Variants in RPS6KA2 observed in about 807,000 individuals in gnomAD.
RPS6KA2 encodes the protein ribosomal protein S6 kinase alpha-2.
In RPS6KA2, 42 loss-of-function variants were observed where a neutral mutation model predicts 91.8. The observed-to-expected ratio is 0.46, with a 90% confidence interval of 0.36 to 0.59. The LOEUF is 0.59. RPS6KA2 is among the 20% of genes least tolerant of loss of function. The pLI, the probability that RPS6KA2 is intolerant of heterozygous loss-of-function variation, is 0.00. For missense variants in RPS6KA2, 798 were observed against 978.5 expected (o/e 0.82, Z 2.46); for synonymous variants, 414 against 393.6 (o/e 1.05, Z -0.61).
rs1396355056 is a variant in RPS6KA2 at position 166,821,058 on chromosome 6, G to A, written c.123+37142C>T. On this transcript the variant is annotated intron_variant, in intron 2 of 21. Coordinates refer to the RPS6KA2 transcript ENST00000503859. The surrounding 1 kb of genome is among the most constrained non-coding windows in gnomAD (Gnocchi z 4.1). The stretch of plus-strand genomic sequence containing the variant: ...CAGGTGTCTTGGAATGATGGGTCCA[G>A]GGCTATAGGGATTTGGATATTGAAT... Among the ~76,000 whole-genome samples the A allele has an allele frequency of 2.0e-5, 3 of 152,160 alleles. No individual in the cohort carries two copies. Among genetic ancestry groups the A allele is most frequent in the Non-Finnish European group, 4.4e-5 (3 of 68,028 alleles).
intron 2 of RPS6KA2, among the ~76,000 whole-genome samples, chr6:166,819,796 T>C (rs1779858246): frequency 6.6e-6 from 1 of 152,212 alleles, no homozygotes; most frequent in Non-Finnish European, 1.5e-5. Flanking sequence ...TAACTGGCTG[T>C]ATGAATAATG....
intron 1 of RPS6KA2, among the ~76,000 whole-genome samples, chr6:166,549,681 T>C (rs1052260187): frequency 4.6e-5 from 7 of 151,960 alleles, no homozygotes; most frequent in Admixed American, 3.9e-4. Context: ...CATAAAAGGG[T>C]ACCATGGGGG....
chr6:166,729,146 A>G (rs1317817681), intron 2 of RPS6KA2, among the ~76,000 whole-genome samples: 1 of 152,176 alleles, frequency 6.6e-6, no homozygotes, highest in African/African-American at 2.4e-5. Flanking sequence ...GCCTAGGCAG[A>G]GCGTGAAACA....
Position 166,498,499 on chromosome 6 carries a change from C to T in RPS6KA2, c.747+9G>A, listed in dbSNP as rs1351743254. The T allele has an allele frequency of 6.2e-7, 1 of 1,604,348 alleles. No individual in the cohort carries two copies. Among genetic ancestry groups the T allele is most frequent in the Admixed American group, 1.7e-5 (1 of 58,674 alleles). ...GCCATGGCACAGAAGAGGGTCGGGG[C>T]AGGCTCACCATGAGCACGCCGAAGG... On this transcript the variant is annotated intron_variant, in intron 8 of 20. Transcript: ENST00000265678.
chr6:166,831,449 C>T (rs9459766), intron 2 of RPS6KA2, among the ~76,000 whole-genome samples: 24,482 of 151,960 alleles, frequency 0.16, 2,149 homozygotes, highest in Middle Eastern at 0.19. Context: ...ATGACACCTT[C>T]CCCCCTGCCC....
At chr6:166,854,022 G>A (rs1428334094) in intron 2 of RPS6KA2, among the ~76,000 whole-genome samples, 3 of 152,172 alleles carry the variant, frequency 2.0e-5, no homozygotes, top group African/African-American at 7.2e-5. Flanking sequence ...AAGACGTATT[G>A]CCTGACAGAA....
At chr6:166,534,098 T>C (rs941971762) in intron 2 of RPS6KA2, among the ~76,000 whole-genome samples, 12 of 151,578 alleles carry the variant, frequency 7.9e-5, no homozygotes, top group African/African-American at 2.9e-4. Flanking sequence ...GGCAGGCGCC[T>C]GTAGTCTCAG....
intron 1 of RPS6KA2, among the ~76,000 whole-genome samples, chr6:166,859,239 T>C (rs1259327041): frequency 2.6e-5 from 4 of 152,360 alleles, no homozygotes; most frequent in African/African-American, 4.8e-5. Context: ...ATCTAATGTA[T>C]TATGACATCC....
At chr6:166,839,622 T>C (rs1313746080) in intron 2 of RPS6KA2, among the ~76,000 whole-genome samples, 2 of 132,724 alleles carry the variant, frequency 1.5e-5, no homozygotes, top group African/African-American at 2.8e-5. Flanking sequence ...AATGTAAAAA[T>C]AGATGCCATC....
intron 2 of RPS6KA2, among the ~76,000 whole-genome samples, chr6:166,661,808 CT>C (rs1379436047): frequency 6.6e-6 from 1 of 152,088 alleles, no homozygotes; most frequent in East Asian, 1.9e-4. Context: ...AGTATTTTGT[CT>C]TTTTTTATAA....
intron 2 of RPS6KA2, among the ~76,000 whole-genome samples, chr6:166,722,027 T>C (rs1489662650): frequency 6.6e-6 from 1 of 152,080 alleles, no homozygotes; most frequent in East Asian, 1.9e-4. Context: ...CATAGTGGAG[T>C]AAATATAAAT....
chr6:166,645,893 C>A (rs1261387197), intron 2 of RPS6KA2, among the ~76,000 whole-genome samples: 1 of 152,232 alleles, frequency 6.6e-6, no homozygotes, highest in Non-Finnish European at 1.5e-5. Flanking sequence ...TCTGGAGAAA[C>A]TTGTCAGAAG....
intron 2 of RPS6KA2, among the ~76,000 whole-genome samples, chr6:166,655,956 A>G (rs754172994): frequency 6.6e-6 from 1 of 152,226 alleles, no homozygotes; most frequent in Non-Finnish European, 1.5e-5. Context: ...AGAAGTCACC[A>G]CAATCTCTAG....
chr6:166,695,875 AATTCTCATAGGAGCACTAG>A (rs1789345380), intron 2 of RPS6KA2, among the ~76,000 whole-genome samples: 3 of 147,542 alleles, frequency 2.0e-5, no homozygotes, highest in Non-Finnish European at 3.0e-5. Context: ...AGGAGCACTA[AATTCTCATAGGAGCACTAG>A]ATTCTCACAG....
In RPS6KA2 at chr6:166,498,863, C is replaced by T. The variant is rs1047807020; in HGVS notation, c.605-213G>A. The stretch of plus-strand genomic sequence containing the variant: ...GTGCCTGAAGCCGAAATCCTCAAAG[C>T]GTGAGGAGTTCCTTATGAGTGTACA... On this transcript the variant is annotated intron_variant, in intron 7 of 20. Transcript: ENST00000265678. 5.3e-5 allele frequency among the ~76,000 whole-genome samples: 8 copies of T among 152,212 alleles called. No homozygotes were observed. The South Asian group carries it at 1.2e-3, about 24-fold the overall frequency.
chr6:166,519,832 C>T (rs1451678076), intron 3 of RPS6KA2, among the ~76,000 whole-genome samples: 1 of 152,186 alleles, frequency 6.6e-6, no homozygotes, highest in East Asian at 1.9e-4. Flanking sequence ...CACCAATAGA[C>T]ATTATATGTA....
intron 1 of RPS6KA2, among the ~76,000 whole-genome samples, chr6:166,594,280 C>G (rs907887847): frequency 6.6e-6 from 1 of 151,972 alleles, no homozygotes; most frequent in Non-Finnish European, 1.5e-5. Context: ...CAGAGGAAAT[C>G]AAAAATTTAA....
At chr6:166,680,511 T>G (rs1213478334) in intron 2 of RPS6KA2, among the ~76,000 whole-genome samples, 1 of 152,172 alleles carries the variant, frequency 6.6e-6, no homozygotes, top group Non-Finnish European at 1.5e-5. Flanking sequence ...GTGCCCACTT[T>G]TTGGGTCTGT....
At chr6:166,469,403 C>T (rs1780670936) in intron 11 of RPS6KA2, among the ~76,000 whole-genome samples, 2 of 147,754 alleles carry the variant, frequency 1.4e-5, no homozygotes, top group African/African-American at 5.0e-5. Context: ...AGTATCGAAT[C>T]TGGGCCTGCC....
Sources: allele counts gnomAD v4.1 joint callset (sites outside exome capture counted in the v4.1 genomes callset), GRCh38; gene constraint gnomAD v4.1.1; non-coding constraint Gnocchi (gnomAD v3.1); transcripts MANE v1.5; gene names NCBI Gene and HGNC (gene_info 2026-07-23, HGNC 2026-07-21).